PCLO: variants seen among roughly 807,000 people sequenced by gnomAD.
PCLO encodes the protein protein piccolo.
PCLO carries 82 observed loss-of-function variants against 427.5 expected under a neutral mutation model. The observed-to-expected ratio is 0.19, with a 90% confidence interval of 0.16 to 0.23. The LOEUF (loss-of-function observed/expected upper bound fraction) is 0.23. Among genes scored for constraint, PCLO ranks in the 10% least tolerant of loss-of-function variants. The probability of loss-of-function intolerance (pLI) is 1.00; values close to 1 mark genes in which losing one functional copy is unlikely to be tolerated. For missense variants in PCLO, 6,239 were observed against 6,115.9 expected (o/e 1.02, Z -0.67); for synonymous variants, 2,357 against 2,155.4 (o/e 1.09, Z -2.59).
chr7:82,993,990 T>C (rs1054383181), intron 3 of PCLO, among the ~76,000 whole-genome samples: 4 of 152,000 alleles, frequency 2.6e-5, no homozygotes, highest in African/African-American at 9.7e-5. Flanking sequence ...ATAAAGGAGA[T>C]AAATAATTGG....
intron 3 of PCLO, among the ~76,000 whole-genome samples, chr7:83,111,143 G>A (rs1790993209): frequency 6.6e-6 from 1 of 152,126 alleles, no homozygotes. Context: ...ATGTATGCAT[G>A]TCCTGTGACA....
intron 22 of PCLO, among the ~76,000 whole-genome samples, chr7:82,798,474 A>G (rs1791274736): frequency 6.6e-6 from 1 of 152,204 alleles, no homozygotes; most frequent in East Asian, 1.9e-4. Context: ...CAAACAAAAC[A>G]CTGATTAAAC....
In PCLO at chr7:82,949,633, C is replaced by A. The variant is rs775019891; in HGVS notation, c.10955G>T (p.Ser3652Ile). 11 of 1,613,674 alleles carry A rather than the reference C, an allele frequency of 6.8e-6. No individual in the cohort carries two copies. Among genetic ancestry groups the A allele is most frequent in the Non-Finnish European group, 9.3e-6 (11 of 1,179,832 alleles). ...ATCTGGATGCAGTACTTTCTGTGGA[C>A]TTATATCATCAGGGAGGGGTTTTTC... The part of the protein sequence containing the change: ...PYEKPLPDDI[S>I]PQKVLHPDMA... Residue 3652 changes from serine (S) to isoleucine (I), a missense_variant, in exon 6 of 25, where the codon AGT (serine) becomes ATT (isoleucine). Ser to Ile is a moderately radical substitution (Grantham distance 142). Transcript: ENST00000333891.
chr7:82,772,504 T>A (rs1380327170), intron 22 of PCLO, among the ~76,000 whole-genome samples: 1 of 152,108 alleles, frequency 6.6e-6, no homozygotes, highest in African/African-American at 2.4e-5. Flanking sequence ...GAAGAATAAT[T>A]CTGTAAGCTT....
At chr7:83,039,226 G>A (rs567201276) in intron 3 of PCLO, among the ~76,000 whole-genome samples, 17 of 152,070 alleles carry the variant, frequency 1.1e-4, no homozygotes, top group Non-Finnish European at 2.9e-5. Context: ...TTTTGATAAA[G>A]TCTAATTCAT....
rs776199106 is a variant in PCLO, at chr7:82,952,030, G to C, written c.8923C>G (p.Gln2975Glu). The change falls in exon 5 of 25, where the codon CAG becomes GAG. Residue 2975 changes from glutamine (Q) to glutamate (E), a missense_variant. Gln to Glu is a conservative substitution (Grantham distance 29). Transcript: ENST00000333891. The part of the protein sequence containing the change: ...DRFGYRDDHY[Q>E]YDRSGPYGYR... ...CCATATGGCCCTGATCGATCATACT[G>C]ATAGTGGTCATCCCTATAACCAAAA... 9 of 1,613,938 alleles carry C rather than the reference G, an allele frequency of 5.6e-6. No homozygotes were observed. The highest frequency in any genetic ancestry group is 7.6e-6 in the Non-Finnish European group (9 of 1,179,842).
chr7:83,157,267 T>C (rs528605342), intron 1 of PCLO, among the ~76,000 whole-genome samples: 29 of 152,280 alleles, frequency 1.9e-4, no homozygotes, highest in Admixed American at 3.3e-4. Flanking sequence ...ATCTTTATTA[T>C]TGAAGATCAG....
At chr7:82,995,627 T>C (rs2115871540) in intron 3 of PCLO, among the ~76,000 whole-genome samples, 1 of 152,084 alleles carries the variant, frequency 6.6e-6, no homozygotes, top group Admixed American at 6.6e-5. Context: ...TGTGACACTT[T>C]TCAAGGTCAC....
chr7:82,958,015 T>C (rs1293375896), intron 4 of PCLO, among the ~76,000 whole-genome samples: 1 of 152,232 alleles, frequency 6.6e-6, no homozygotes. Flanking sequence ...TAAAAATATA[T>C]ATGAGCAAAA....
chr7:82,856,660 T>C (rs1324919664), intron 10 of PCLO, among the ~76,000 whole-genome samples: 1 of 152,192 alleles, frequency 6.6e-6, no homozygotes, highest in African/African-American at 2.4e-5. Flanking sequence ...TGAAGTAGAT[T>C]GCAGTTTATA....
At chr7:82,805,099 T>G (rs1215252543) in intron 21 of PCLO, among the ~76,000 whole-genome samples, 2 of 151,900 alleles carry the variant, frequency 1.3e-5, no homozygotes, top group Non-Finnish European at 2.9e-5. Context: ...TTTTTTTATT[T>G]TGAGGCTTAA....
intron 3 of PCLO, among the ~76,000 whole-genome samples, chr7:83,012,621 GAAAAAA>G (rs537818971): frequency 1.2e-4 from 8 of 66,736 alleles, no homozygotes; most frequent in African/African-American, 3.5e-4. Flanking sequence ...CTGTCTCAAG[GAAAAAA>G]AAAAAAAAAA....
chr7:82,842,967 A>C (rs1792404327), intron 13 of PCLO, among the ~76,000 whole-genome samples: 1 of 152,098 alleles, frequency 6.6e-6, no homozygotes, highest in Admixed American at 6.6e-5. Context: ...ATGTAAATTG[A>C]TATATCCATA....
intron 3 of PCLO, among the ~76,000 whole-genome samples, chr7:83,031,247 T>A (rs1247065247): frequency 6.6e-6 from 1 of 152,232 alleles, no homozygotes; most frequent in Non-Finnish European, 1.5e-5. Flanking sequence ...CTCAGAGACA[T>A]CATATGCATG....
At chr7:82,994,239 GAACA>G (rs924590366) in intron 3 of PCLO, among the ~76,000 whole-genome samples, 25 of 151,972 alleles carry the variant, frequency 1.6e-4, no homozygotes, top group Middle Eastern at 3.4e-3. Context: ...ATACAACAGT[GAACA>G]AACAGATACA....
At chr7:82,902,778 T>C (rs758473560) in intron 8 of PCLO, 37 bp from the exon 9 acceptor site, 1 of 958,164 alleles carries the variant, frequency 1.0e-6, no homozygotes, top group South Asian at 1.3e-5. Flanking sequence ...AAACCAGCAT[T>C]AAAGACACTT....
chr7:82,824,345 A>G lies in PCLO; in HGVS notation c.14487T>C (p.Thr4829=). Reference sequence around the variant, plus strand: ...GAGACTTGCCATGATCAATGCTTTCAGTCTGTTCTTTGAGAGGATACCACC... The same window carrying G: ...GAGACTTGCCATGATCAATGCTTTCGGTCTGTTCTTTGAGAGGATACCACC... ...TPRWYPLKEQ[T]ESIDHGKSHS... is the part of the protein sequence containing the mutation. Residue 4829 remains threonine (T), a synonymous_variant, in exon 19 of 25, where the codon ACT becomes ACC. Coordinates refer to ENST00000333891, the MANE Select transcript of PCLO (RefSeq NM_033026.6). 1.2e-6 allele frequency: 2 copies of G among 1,613,212 alleles called. No homozygotes were observed. Among genetic ancestry groups the G allele is most frequent in the Non-Finnish European group, 1.7e-6 (2 of 1,179,462 alleles).
intron 22 of PCLO, among the ~76,000 whole-genome samples, chr7:82,799,008 T>A (rs866395555): frequency 6.6e-6 from 1 of 152,172 alleles, no homozygotes; most frequent in Non-Finnish European, 1.5e-5. Flanking sequence ...TGGCTCCTTC[T>A]TGGAAAGCAA....
chr7:82,842,432 A>C (rs1792390278), intron 13 of PCLO, among the ~76,000 whole-genome samples: 1 of 152,144 alleles, frequency 6.6e-6, no homozygotes, highest in African/African-American at 2.4e-5. Flanking sequence ...TGAAAATTTA[A>C]AATTATTAGA....
Sources: gnomAD v4.1 joint callset for allele counts (sites outside exome capture counted in the v4.1 genomes callset) on GRCh38, gnomAD v4.1.1 for gene constraint, MANE v1.5 for transcripts, NCBI Gene and HGNC (gene_info 2026-07-23, HGNC 2026-07-21) for gene names.